Variants in SPEN observed in about 807,000 individuals in gnomAD.
SPEN encodes msx2-interacting protein.
In SPEN, 18 loss-of-function variants were observed where a neutral mutation model predicts 269.9. The observed-to-expected ratio is 0.07, with a 90% CI of 0.05 to 0.10. The LOEUF is 0.10. SPEN is among the 10% of genes least tolerant of loss of function. The pLI is 1.00. For synonymous variants in SPEN, 1,726 were observed against 1,765.7 expected (o/e 0.98, Z 0.56); for missense variants, 3,822 against 4,631.2 (o/e 0.83, Z 5.07).
intron 3 of SPEN, among the ~76,000 whole-genome samples, chr1:15,904,539 T>C (rs1268068992): frequency 1.3e-5 from 2 of 150,792 alleles, no homozygotes; most frequent in Non-Finnish European, 2.9e-5. Context: ...CAGTCTCCCC[T>C]TCTAGTTGCC....
intron 3 of SPEN, among the ~76,000 whole-genome samples, chr1:15,880,453 CTTTTTTTTT>C (rs371820417): frequency 9.0e-6 from 1 of 110,988 alleles, no homozygotes; most frequent in Non-Finnish European, 1.8e-5. Context: ...GTAATTATAG[CTTTTTTTTT>C]TTTTTTTTTT....
chr1:15,919,772 G>A (rs926908777), intron 8 of SPEN, among the ~76,000 whole-genome samples: 1 of 152,194 alleles, frequency 6.6e-6, no homozygotes, highest in African/African-American at 2.4e-5. Flanking sequence ...GAATGAAATA[G>A]AAATGTTGCT....
chr1:15,860,528 G>T (rs990821801), intron 1 of SPEN, among the ~76,000 whole-genome samples: 1 of 148,960 alleles, frequency 6.7e-6, no homozygotes, highest in Non-Finnish European at 1.5e-5. Flanking sequence ...CTGGTCTCAG[G>T]ATATCCTCCC....
Position 15,934,036 on chromosome 1 carries a change from C to T in SPEN, c.7796C>T (p.Ser2599Leu), listed in dbSNP as rs753076589. 92 of 1,612,676 alleles carry T rather than the reference C, an allele frequency of 5.7e-5. No individual in the cohort carries two copies. The East Asian group carries it at 7.1e-4, about 13-fold the overall frequency. ...PVTNNSEIQA[S>L]EVLVAADKEK... ...ACAAACAACTCTGAGATACAAGCCT[C>T]GGAGGTGCTGGTAGCTGCTGACAAG... Residue 2599 changes from serine (S) to leucine (L), a missense_variant, in exon 11 of 15, where the codon TCG becomes TTG. Physicochemically the swap from Ser to Leu is moderately radical, Grantham distance 145. This residue lies in a region of SPEN where 329 missense variants were observed against 431.2 expected (regional missense o/e 0.76). Coordinates refer to ENST00000375759, the MANE Select transcript of SPEN (RefSeq NM_015001.3). This position sits in a 1 kb window ranked among gnomAD's most constrained non-coding sequence, Gnocchi z 9.2.
Position 15,930,973 on chromosome 1 carries a change from A to G in SPEN, c.4733A>G (p.Glu1578Gly). 1 of 1,614,178 alleles carries G rather than the reference A, an allele frequency of 6.2e-7. No individual in the cohort carries two copies. The highest frequency in any genetic ancestry group is 8.5e-7 in the Non-Finnish European group (1 of 1,180,040). Residue 1578 changes from glutamate to glycine, a missense_variant, in exon 11 of 15, where the codon GAA (glutamate) becomes GGA (glycine). Glu to Gly is a moderately conservative substitution (Grantham distance 98). Coordinates refer to ENST00000375759, the MANE Select transcript of SPEN (RefSeq NM_015001.3). The surrounding 1 kb of genome is among the most constrained non-coding windows in gnomAD (Gnocchi z 5.3). The part of the protein sequence containing the change: ...GANSTTDSIQ[E>G]PVVLFHSRFM... Reference sequence around the variant, plus strand: ...AACAGCACAACTGATTCCATTCAAGAACCAGTAGTTCTGTTCCATAGCAGA... The same window carrying G: ...AACAGCACAACTGATTCCATTCAAGGACCAGTAGTTCTGTTCCATAGCAGA...
chr1:15,874,051 G>A lies in SPEN; in HGVS notation c.404+915G>A, dbSNP rs571778888. ...GCAACTGTGCCTTCCTCATTCGTTG[G>A]AATTGTAGAGGATATTTCCTCTTCT... On this transcript the variant is annotated intron_variant, in intron 2 of 14. Transcript: ENST00000375759. 9 of 1,277,928 alleles carry A rather than the reference G, an allele frequency of 7.0e-6. No homozygotes were observed. In the South Asian group the frequency reaches 1.2e-4, roughly 17 times the overall value. 79.2% of individuals were successfully genotyped at this position (1,277,928 alleles called of 1,614,324 possible). A position where few individuals can be genotyped will look rare whatever the true frequency, so the allele number is the denominator to read the frequency against.
intron 3 of SPEN, among the ~76,000 whole-genome samples, chr1:15,904,276 G>A (rs1181616904): frequency 1.3e-5 from 2 of 151,538 alleles, no homozygotes; most frequent in African/African-American, 2.4e-5. Flanking sequence ...TCAGGAGTTC[G>A]AGACCAGCCT....
chr1:15,872,599 CAAAAAA>C lies in SPEN; in HGVS notation c.84-206_84-201del, dbSNP rs78554897. ...TGGGCAACAGAGCGAGACTCCATCT[CAAAAAA>C]AAAAAAAAAAGAAATGAGAGTAATG... On this transcript the variant is annotated intron_variant, in intron 1 of 14. Coordinates refer to ENST00000375759, the MANE Select transcript of SPEN (RefSeq NM_015001.3). Among the ~76,000 whole-genome samples, 437 of 92,570 alleles carry C rather than the reference CAAAAAA, an allele frequency of 4.7e-3. 1 individual carries two copies. The highest frequency in any genetic ancestry group is 6.4e-3 in the Non-Finnish European group (307 of 47,902). 60.7% of individuals were successfully genotyped at this position (92,570 alleles called of 152,430 possible).
At chr1:15,902,154 C>G (rs1280065296) in intron 3 of SPEN, among the ~76,000 whole-genome samples, 2 of 152,120 alleles carry the variant, frequency 1.3e-5, no homozygotes, top group South Asian at 4.1e-4. Context: ...ATCTCAAACT[C>G]CTGACCTCAA....
At chr1:15,889,085 G>C (rs1199001457) in intron 3 of SPEN, among the ~76,000 whole-genome samples, 3 of 151,802 alleles carry the variant, frequency 2.0e-5, no homozygotes, top group African/African-American at 7.3e-5. Context: ...AAGGAATCAT[G>C]CGTGTCCAGA....
At chr1:15,886,610 A>G (rs2070738678) in intron 3 of SPEN, among the ~76,000 whole-genome samples, 1 of 152,206 alleles carries the variant, frequency 6.6e-6, no homozygotes, top group Admixed American at 6.5e-5. Flanking sequence ...GCAAGCTGGT[A>G]CAAACTCTAT....
rs528122610 is a variant in SPEN at position 15,877,413 on chromosome 1, C to A, written c.881+735C>A. On this transcript the variant is annotated intron_variant, in intron 3 of 14. Coordinates refer to ENST00000375759, the MANE Select transcript of SPEN (RefSeq NM_015001.3). ...CCTCCCAAGTAGCTGGGATTACAAA[C>A]GTGCGCAACCACGCCTGGCTAATTT... 4.3e-4 allele frequency among the ~76,000 whole-genome samples: 65 copies of A among 152,196 alleles called. 1 individual carries two copies. Among genetic ancestry groups the A allele is most frequent in the African/African-American group, 1.4e-3 (59 of 41,542 alleles).
Position 15,919,489 on chromosome 1 carries a change from A to G in SPEN, c.1607A>G (p.His536Arg). ...SNVSDQYLTRHFCRYGPVVKV... is the reference protein window; with the variant it reads ...SNVSDQYLTRRFCRYGPVVKV... Reference sequence around the variant, plus strand: ...GTGTCAGATCAGTATTTAACACGACATTTCTGCCGATATGGGCCTGTGGTA... The same window carrying G: ...GTGTCAGATCAGTATTTAACACGACGTTTCTGCCGATATGGGCCTGTGGTA... Residue 536 changes from histidine (H) to arginine (R), a missense_variant, in exon 8 of 15, where the codon CAT becomes CGT. His to Arg is a conservative substitution (Grantham distance 29). Transcript: ENST00000375759. 1.2e-6 allele frequency: 2 copies of G among 1,604,262 alleles called. No individual in the cohort carries two copies. The highest frequency in any genetic ancestry group is 1.7e-6 in the Non-Finnish European group (2 of 1,177,880).
At chr1:15,874,439 C>T in intron 2 of SPEN, 2 of 1,285,004 alleles carry the variant, frequency 1.6e-6, no homozygotes, top group Non-Finnish European at 2.0e-6. Context: ...TCTCCTAACC[C>T]AAGTCAAACT....
chr1:15,931,363 C>T lies in SPEN; in HGVS notation c.5123C>T (p.Pro1708Leu), dbSNP rs1404525740. ...EQVDLPPGADPDKEAAMMPAG... is the reference protein window; with the variant it reads ...EQVDLPPGADLDKEAAMMPAG... ...GTAGACCTGCCCCCAGGAGCAGACC[C>T]CGATAAAGAAGCTGCCATGATGCCT... Residue 1708 changes from proline (P) to leucine (L), a missense_variant, in exon 11 of 15, where the codon CCC becomes CTC. Pro to Leu is a moderately conservative substitution (Grantham distance 98). Around this residue, in one of 16 missense-constraint regions of SPEN, gnomAD observed 533 missense variants for 618.8 expected, o/e 0.86. Transcript: ENST00000375759. The surrounding 1 kb of genome is among the most constrained non-coding windows in gnomAD (Gnocchi z 4.8). 3.1e-6 allele frequency: 5 copies of T among 1,614,166 alleles called. No homozygotes were observed. The highest frequency in any genetic ancestry group is 1.3e-5 in the African/African-American group (1 of 75,040).
intron 10 of SPEN, among the ~76,000 whole-genome samples, chr1:15,923,502 G>A (rs996900778): frequency 5.3e-5 from 8 of 152,152 alleles, no homozygotes; most frequent in African/African-American, 1.9e-4. Flanking sequence ...TATGAAAAGG[G>A]CTCCATGGCA....
chr1:15,848,767 C>T lies in SPEN; in HGVS notation c.83+617C>T, dbSNP rs2070303286. Reference sequence around the variant, plus strand: ...GAATGGCAAACGTTTCTCGTTTTTGCGGGGCTGGGTGGAGAGTGGTGTGAA... The same window carrying T: ...GAATGGCAAACGTTTCTCGTTTTTGTGGGGCTGGGTGGAGAGTGGTGTGAA... On this transcript the variant is annotated intron_variant, in intron 1 of 14. Transcript: ENST00000375759. This position sits in a 1 kb window ranked among gnomAD's most constrained non-coding sequence, Gnocchi z 5.1. Among the ~76,000 whole-genome samples, 1 of 152,078 alleles carries T rather than the reference C, an allele frequency of 6.6e-6. No individual in the cohort carries two copies.
chr1:15,894,351 G>C (rs1298388271), intron 3 of SPEN, among the ~76,000 whole-genome samples: 1 of 152,072 alleles, frequency 6.6e-6, no homozygotes, highest in East Asian at 1.9e-4. Context: ...CAGGGAGCAT[G>C]CATGTTTGAT....
rs753043754 is a variant in SPEN at position 15,930,257 on chromosome 1, T to A, written c.4017T>A (p.Arg1339=). The change falls in exon 11 of 15, where the codon CGT becomes CGA. Residue 1339 remains arginine (R), a synonymous_variant. Coordinates refer to ENST00000375759, the MANE Select transcript of SPEN (RefSeq NM_015001.3). The surrounding 1 kb of genome is among the most constrained non-coding windows in gnomAD (Gnocchi z 5.3). ...TGAATTCTGAAGATGAACTAAATCG[T>A]TGGGACTCTCAGATGAAACAGGATG... The part of the protein sequence containing the change: ...SVLNSEDELN[R]WDSQMKQDAG... 6.2e-7 allele frequency: 1 copy of A among 1,614,176 alleles called. No individual in the cohort carries two copies. Among genetic ancestry groups the A allele is most frequent in the South Asian group, 1.1e-5 (1 of 91,084 alleles).
Sources: allele counts gnomAD v4.1 joint callset (sites outside exome capture counted in the v4.1 genomes callset), GRCh38; gene constraint gnomAD v4.1.1; regional missense constraint gnomAD v4.1.1; non-coding constraint Gnocchi (gnomAD v3.1); transcripts MANE v1.5; gene names NCBI Gene and HGNC (gene_info 2026-07-23, HGNC 2026-07-21).